Variants in EEPD1 observed in about 807,000 individuals in gnomAD.
The protein encoded by EEPD1 is endonuclease/exonuclease/phosphatase family domain-containing protein 1.
In EEPD1, 17 loss-of-function variants were observed where a neutral mutation model predicts 46.3. The ratio of observed to expected loss-of-function variants is 0.37; its 90% confidence interval spans 0.25 to 0.55. The LOEUF (loss-of-function observed/expected upper bound fraction) is 0.55. Among genes scored for constraint, EEPD1 ranks in the 20% least tolerant of loss-of-function variants. The probability of loss-of-function intolerance (pLI) is 0.83; values close to 1 mark genes in which losing one functional copy is unlikely to be tolerated. For missense variants in EEPD1, 673 were observed against 745.6 expected (o/e 0.90, Z 1.13); for synonymous variants, 313 against 315.6 (o/e 0.99, Z 0.09).
intron 3 of EEPD1, among the ~76,000 whole-genome samples, chr7:36,247,784 T>C (rs571466253): frequency 2.6e-5 from 4 of 152,332 alleles, no homozygotes; most frequent in South Asian, 2.1e-4. Context: ...TTAGCAGGCA[T>C]ACTGGACGAT....
rs139277283 is a variant in EEPD1, at chr7:36,207,419, G to A, written c.879-31566G>A. On this transcript the variant is annotated intron_variant, in intron 2 of 7. Coordinates refer to ENST00000242108, the MANE Select transcript of EEPD1 (RefSeq NM_030636.3). Reference sequence around the variant, plus strand: ...CACGTTCTGAACATAGTCCATTTGGGGCAGAACTTCTGACCCTGGTATGTC... The same window carrying A: ...CACGTTCTGAACATAGTCCATTTGGAGCAGAACTTCTGACCCTGGTATGTC... 1.8e-3 allele frequency among the ~76,000 whole-genome samples: 272 copies of A among 152,234 alleles called. 1 individual carries two copies. The highest frequency in any genetic ancestry group is 3.3e-3 in the Non-Finnish European group (223 of 68,018).
Position 36,243,280 on chromosome 7 carries a change from A to G in EEPD1, c.930+4244A>G, listed in dbSNP as rs532170544. Among the ~76,000 whole-genome samples the G allele has an allele frequency of 2.0e-4, 29 of 147,822 alleles. No homozygotes were observed. In the South Asian group the frequency reaches 4.5e-3, roughly 23 times the overall value. On this transcript the variant is annotated intron_variant, in intron 3 of 7. Coordinates refer to ENST00000242108, the MANE Select transcript of EEPD1 (RefSeq NM_030636.3). ...GTCAGAAAGAATCTATGAGTTGTCA[A>G]TTTGACTTTTATGGCCAATTAAGCC...
intron 2 of EEPD1, among the ~76,000 whole-genome samples, chr7:36,212,133 A>G (rs1417866995): frequency 6.6e-6 from 1 of 152,244 alleles, no homozygotes; most frequent in African/African-American, 2.4e-5. Flanking sequence ...CAGAAGAAAT[A>G]CATGCAGCCA....
rs1346606801 is a variant in EEPD1 at position 36,301,401 on chromosome 7, C to A, written c.*2195C>A. The A allele has an allele frequency of 6.6e-6, 1 of 152,166 alleles. No homozygotes were observed. Among genetic ancestry groups the A allele is most frequent in the African/African-American group, 2.4e-5 (1 of 41,430 alleles). The allele number at this position is 152,166 out of a possible 1,614,324, so 9.4% of individuals were successfully genotyped here. A position where few individuals can be genotyped will look rare whatever the true frequency, so the allele number is the denominator to read the frequency against. ...TTAGGCACAAAGGGATTCCCATATC[C>A]CTCCTCTTCTTTGCATATTTCCCCC... On this transcript the variant is annotated 3_prime_UTR_variant, in exon 8 of 8. Transcript: ENST00000242108.
intron 2 of EEPD1, among the ~76,000 whole-genome samples, chr7:36,162,807 A>G (rs17172276): frequency 0.34 from 52,016 of 152,034 alleles, 9,338 homozygotes; most frequent in African/African-American, 0.46. Flanking sequence ...CTGGGCCTTA[A>G]ATTGTTTTAC....
intron 6 of EEPD1, among the ~76,000 whole-genome samples, chr7:36,289,235 G>GT (rs745399062): frequency 2.0e-5 from 3 of 152,262 alleles, no homozygotes; most frequent in Middle Eastern, 3.4e-3. Context: ...TGCTACTAAT[G>GT]TATTGACATT....
At chr7:36,169,188 A>T (rs954900528) in intron 2 of EEPD1, among the ~76,000 whole-genome samples, 2 of 152,234 alleles carry the variant, frequency 1.3e-5, no homozygotes, top group African/African-American at 4.8e-5. Context: ...ACATTCATGT[A>T]CAAGTTTTTA....
intron 2 of EEPD1, among the ~76,000 whole-genome samples, chr7:36,160,921 G>A (rs1784894359): frequency 6.6e-6 from 1 of 152,158 alleles, no homozygotes. Context: ...AAGAAATCCT[G>A]GGGCTGACAC....
chr7:36,224,709 A>G (rs1376006612), intron 2 of EEPD1, among the ~76,000 whole-genome samples: 2 of 152,236 alleles, frequency 1.3e-5, no homozygotes, highest in East Asian at 3.8e-4. Context: ...TAAGGATCCA[A>G]TAGCAGAACT....
intron 2 of EEPD1, among the ~76,000 whole-genome samples, chr7:36,224,835 A>G (rs971860709): frequency 1.4e-5 from 2 of 141,938 alleles, no homozygotes; most frequent in Non-Finnish European, 3.1e-5. Flanking sequence ...CCTCACATGG[A>G]AAAAAAAAAA....
intron 2 of EEPD1, among the ~76,000 whole-genome samples, chr7:36,214,512 A>G (rs1785993888): frequency 6.6e-6 from 1 of 152,110 alleles, no homozygotes; most frequent in African/African-American, 2.4e-5. Context: ...AGTCTTCGTC[A>G]AAGTGGCATC....
intron 2 of EEPD1, among the ~76,000 whole-genome samples, chr7:36,195,660 G>A (rs1447574395): frequency 1.3e-5 from 2 of 152,130 alleles, no homozygotes; most frequent in East Asian, 3.9e-4. Context: ...AGATAGGAGG[G>A]ATAAGTTCAG....
chr7:36,219,792 AGAGAGAGAGAGAGAGTGTGTGT>A (rs1160652345), intron 2 of EEPD1, among the ~76,000 whole-genome samples: 1 of 92,304 alleles, frequency 1.1e-5, no homozygotes, highest in Non-Finnish European at 2.5e-5. Context: ...AGAGAGAGAG[AGAGAGAGAGAGAGAGTGTGTGT>A]GTGTGTGTGT....
intron 2 of EEPD1, among the ~76,000 whole-genome samples, chr7:36,220,412 T>C (rs1786124117): frequency 6.6e-6 from 1 of 152,180 alleles, no homozygotes; most frequent in Admixed American, 6.5e-5. Flanking sequence ...CTCCTTGCTT[T>C]GAAGACATCT....
At chr7:36,224,556 GA>G (rs1786200016) in intron 2 of EEPD1, among the ~76,000 whole-genome samples, 1 of 152,160 alleles carries the variant, frequency 6.6e-6, no homozygotes, top group East Asian at 1.9e-4. Flanking sequence ...ATAGTTTTGG[GA>G]AAATATGTGG....
chr7:36,282,714 G>C (rs1292118978), intron 4 of EEPD1, among the ~76,000 whole-genome samples: 2 of 152,250 alleles, frequency 1.3e-5, no homozygotes, highest in Non-Finnish European at 2.9e-5. Context: ...GCCAGGGCCA[G>C]GCGGAACGGG....
intron 3 of EEPD1, among the ~76,000 whole-genome samples, chr7:36,250,825 C>T (rs1786727172): frequency 6.6e-6 from 1 of 152,144 alleles, no homozygotes; most frequent in Non-Finnish European, 1.5e-5. Context: ...ACTGTTGAAG[C>T]TTCTCCATGG....
At chr7:36,169,576 C>A (rs1242728026) in intron 2 of EEPD1, among the ~76,000 whole-genome samples, 1 of 152,168 alleles carries the variant, frequency 6.6e-6, no homozygotes, top group Non-Finnish European at 1.5e-5. Flanking sequence ...CATTTTCAAA[C>A]TTGTTTCTAA....
rs537021517 is a variant in EEPD1, at chr7:36,298,504, C to T, written c.1511-503C>T. On this transcript the variant is annotated intron_variant, in intron 7 of 7. Transcript: ENST00000242108. The stretch of plus-strand genomic sequence containing the variant: ...TTATATTCAAATATACTTCCTGCTT[C>T]ATAGATTTCTAAATCCTCGTTTTAA... 7.5e-4 allele frequency among the ~76,000 whole-genome samples: 115 copies of T among 152,342 alleles called. 1 individual carries two copies. The highest frequency in any genetic ancestry group is 2.5e-3 in the African/African-American group (104 of 41,578).
Sources: gnomAD v4.1 joint callset for allele counts (sites outside exome capture counted in the v4.1 genomes callset) on GRCh38, gnomAD v4.1.1 for gene constraint, MANE v1.5 for transcripts, NCBI Gene and HGNC (gene_info 2026-07-23, HGNC 2026-07-21) for gene names.